Variants in GSAP observed in about 807,000 individuals in gnomAD.
GSAP encodes the protein gamma-secretase-activating protein.
GSAP carries 118 observed loss-of-function variants against 131.7 expected under a neutral mutation model. The observed-to-expected ratio is 0.90, with a 90% confidence interval of 0.77 to 1.04. The LOEUF (loss-of-function observed/expected upper bound fraction) is 1.04, where lower values mean the gene tolerates loss of function less well. Ranked by LOEUF, GSAP falls within the 50% of genes least tolerant of loss-of-function variation. The probability of loss-of-function intolerance (pLI) is 0.00; values close to 1 mark genes in which losing one functional copy is unlikely to be tolerated. For synonymous variants in GSAP, 381 were observed against 363.4 expected, an observed-to-expected ratio of 1.05 and a Z score of -0.55; for missense variants, 1,019 against 1,013.2, an observed-to-expected ratio of 1.01 and a Z score of -0.08.
At chr7:77,347,474 C>A (rs1183617284) in intron 19 of GSAP, among the ~76,000 whole-genome samples, 2 of 152,084 alleles carry the variant, frequency 1.3e-5, no homozygotes, top group African/African-American at 4.8e-5. Flanking sequence ...AGAATTCCCA[C>A]ACATTTGGTA....
chr7:77,377,573 A>AATATATG (rs1250669218), intron 8 of GSAP, among the ~76,000 whole-genome samples, 183 bp from the exon 9 acceptor site: 1 of 152,152 alleles, frequency 6.6e-6, no homozygotes, highest in African/African-American at 2.4e-5. Flanking sequence ...TTTAAGACAT[A>AATATATG]ATTTCATTGC....
rs1215200100 is a variant in GSAP, at chr7:77,329,332, C to G, written c.1733+1G>C. The G allele has an allele frequency of 2.6e-6, 4 of 1,547,088 alleles. No individual in the cohort carries two copies. Among genetic ancestry groups the G allele is most frequent in the Non-Finnish European group, 3.5e-6 (4 of 1,135,938 alleles). ...ATATGATAACCTCTGCTTTCACTTA[C>G]TTTACTGCATTATCAAGAATATTCC... On this transcript the variant is annotated splice_donor_variant, in intron 21 of 30. Coordinates refer to ENST00000257626, the MANE Select transcript of GSAP (RefSeq NM_017439.4). LOFTEE classifies it high-confidence loss of function.
At position 77,312,953 on chromosome 7, in the gene GSAP, T is replaced by G. The variant is rs578070182; in HGVS notation, c.2271+535A>C. On this transcript the variant is annotated intron_variant, in intron 28 of 30. Coordinates refer to ENST00000257626, the MANE Select transcript of GSAP (RefSeq NM_017439.4). ...AAGTGTTGATATTCCCTTGTGTTTC[T>G]CATTCTTCTTTTGACCTAGGAATGT... Among the ~76,000 whole-genome samples the G allele has an allele frequency of 3.9e-5, 6 of 152,348 alleles. No homozygotes were observed. The East Asian group carries it at 9.6e-4, about 24-fold the overall frequency.
At chr7:77,405,977 TA>T in intron 2 of GSAP, 51 bp downstream of exon 2, 1 of 664,178 alleles carries the variant, frequency 1.5e-6, no homozygotes, top group Non-Finnish European at 2.2e-6. Context: ...TATAAATGAT[TA>T]AAAACAGTAA....
At chr7:77,414,670 G>A (rs908817711) in intron 1 of GSAP, among the ~76,000 whole-genome samples, 4 of 152,160 alleles carry the variant, frequency 2.6e-5, no homozygotes, top group South Asian at 2.1e-4. Context: ...CACACATTAC[G>A]GAAACATAAG....
intron 1 of GSAP, chr7:77,415,371 C>T (rs1403976728): frequency 6.6e-6 from 1 of 152,236 alleles, no homozygotes; most frequent in Non-Finnish European, 1.5e-5. Flanking sequence ...GGCATCATTG[C>T]TTTGAAGCTG....
intron 10 of GSAP, among the ~76,000 whole-genome samples, chr7:77,375,381 G>A (rs1462640823): frequency 2.0e-5 from 3 of 152,156 alleles, no homozygotes; most frequent in Non-Finnish European, 4.4e-5. Context: ...ATCAAAAACA[G>A]GTTGTACAAT....
chr7:77,368,642 G>A (rs1302887069), intron 12 of GSAP, among the ~76,000 whole-genome samples: 1 of 152,216 alleles, frequency 6.6e-6, no homozygotes, highest in Non-Finnish European at 1.5e-5. Context: ...AGCAGATTTG[G>A]ATGTGAGTCC....
intron 1 of GSAP, among the ~76,000 whole-genome samples, chr7:77,415,049 C>T (rs1804099652): frequency 6.6e-6 from 1 of 151,854 alleles, no homozygotes; most frequent in Non-Finnish European, 1.5e-5. Flanking sequence ...TCTTCCTTGA[C>T]CACCCTCTCC....
intron 16 of GSAP, 133 bp from the exon 17 acceptor site, chr7:77,353,774 C>G: frequency 1.7e-6 from 1 of 580,604 alleles, no homozygotes; most frequent in Non-Finnish European, 3.0e-6. Flanking sequence ...ATACTCACTT[C>G]TATACTATCT....
At chr7:77,405,204 TC>T (rs1208941168) in intron 2 of GSAP, among the ~76,000 whole-genome samples, 1 of 152,182 alleles carries the variant, frequency 6.6e-6, no homozygotes, top group African/African-American at 2.4e-5. Context: ...AGGCAGGAGC[TC>T]AAGGAACCTA....
At chr7:77,382,382 AGCCAAAGGGAACACCACTTGGGG>A (rs1797928903) in intron 7 of GSAP, among the ~76,000 whole-genome samples, 169 bp downstream of exon 7, 1 of 152,196 alleles carries the variant, frequency 6.6e-6, no homozygotes. Context: ...AGCTGAACAC[AGCCAAAGGGAACACCACTTGGGG>A]GCCAAAGGAA....
intron 22 of GSAP, 52 bp downstream of exon 22, chr7:77,328,554 A>C (rs1467703823): frequency 1.9e-6 from 3 of 1,593,412 alleles, no homozygotes; most frequent in African/African-American, 2.7e-5. Context: ...ACAGTGCTAC[A>C]AACAAAACAC....
chr7:77,353,682 GCT>G (rs759910647), intron 16 of GSAP, 41 bp from the exon 17 acceptor site: 2 of 1,228,020 alleles, frequency 1.6e-6, no homozygotes. Context: ...ATTTAAATCT[GCT>G]CTCTGCCTCC....
At chr7:77,355,018 C>A (rs918024006) in intron 16 of GSAP, among the ~76,000 whole-genome samples, 195 bp downstream of exon 16, 1 of 152,086 alleles carries the variant, frequency 6.6e-6, no homozygotes. Flanking sequence ...CCCAAAAGAA[C>A]AGAAACACCC....
chr7:77,337,238 C>T (rs1170485222), intron 19 of GSAP, among the ~76,000 whole-genome samples: 2 of 150,354 alleles, frequency 1.3e-5, no homozygotes, highest in Admixed American at 1.3e-4. Flanking sequence ...CTACAACCTC[C>T]ACCTCCCAGG....
chr7:77,349,129 T>C (rs1252620857), intron 19 of GSAP, among the ~76,000 whole-genome samples: 1 of 152,218 alleles, frequency 6.6e-6, no homozygotes, highest in Non-Finnish European at 1.5e-5. Context: ...TTCTCTCCTA[T>C]CTTCAGGAAA....
rs17151545 is a variant in GSAP, at chr7:77,312,023, C to T, written c.2373+78G>A. ...AATAAAGTGATAAGAACTGTAATTG[C>T]TGTCCATACAGATATGTTGTCACGG... On this transcript the variant is annotated intron_variant, in intron 29 of 30. Transcript: ENST00000257626. 4.5e-3 allele frequency: 5,214 copies of T among 1,170,280 alleles called. 102 individuals carry two copies. The African/African-American group carries it at 0.055, about 12-fold the overall frequency. The allele number at this position is 1,170,280 out of a possible 1,614,324, so 72.5% of individuals were successfully genotyped here. A position where few individuals can be genotyped will look rare whatever the true frequency, so the allele number is the denominator to read the frequency against.
chr7:77,362,362 C>T (rs1439249058), intron 13 of GSAP, among the ~76,000 whole-genome samples: 1 of 152,136 alleles, frequency 6.6e-6, no homozygotes, highest in East Asian at 1.9e-4. Context: ...TGGCACACGC[C>T]TGTAGTCCCA....
Sources: allele counts gnomAD v4.1 joint callset (sites outside exome capture counted in the v4.1 genomes callset), GRCh38; gene constraint gnomAD v4.1.1; transcripts MANE v1.5; gene names NCBI Gene and HGNC (gene_info 2026-07-23, HGNC 2026-07-21).